Variants in HNRNPF observed in about 807,000 individuals in gnomAD.
HNRNPF encodes HnRNP F protein.
In HNRNPF, 2 loss-of-function variants were observed where a neutral mutation model predicts 26.0. The ratio of observed to expected loss-of-function variants is 0.08; its 90% CI spans 0.03 to 0.24. HNRNPF has a LOEUF of 0.24. Ranked by LOEUF, HNRNPF falls within the 10% of genes least tolerant of loss-of-function variation. HNRNPF has a pLI of 1.00. For missense variants in HNRNPF, 299 were observed against 539.2 expected (o/e 0.55, Z 4.41); for synonymous variants, 234 against 211.5 (o/e 1.11, Z -0.92).
chr10:43,396,800 G>A (rs926424774), intron 1 of HNRNPF: 1 of 151,644 alleles, frequency 6.6e-6, no homozygotes, highest in African/African-American at 2.4e-5. Context: ...GCTCGGGCGG[G>A]AGCTTCCGGG....
intron 3 of HNRNPF, among the ~76,000 whole-genome samples, chr10:43,391,041 C>T (rs1293468563): frequency 6.6e-6 from 1 of 152,128 alleles, no homozygotes; most frequent in Non-Finnish European, 1.5e-5. Flanking sequence ...ACAGTGGCTC[C>T]CACCTATAAT....
intron 1 of HNRNPF, among the ~76,000 whole-genome samples, chr10:43,398,355 T>G (rs2131982403): frequency 6.6e-6 from 1 of 150,714 alleles, no homozygotes; most frequent in Non-Finnish European, 1.5e-5. Flanking sequence ...TTTTTTTTTT[T>G]TTTTGAGAGA....
chr10:43,395,027 G>A (rs994757780), intron 2 of HNRNPF, among the ~76,000 whole-genome samples: 3 of 152,040 alleles, frequency 2.0e-5, no homozygotes, highest in African/African-American at 7.3e-5. Flanking sequence ...CAATATGTTG[G>A]CCAGGCTGGT....
chr10:43,399,324 C>G (rs890002036), intron 1 of HNRNPF, among the ~76,000 whole-genome samples: 5 of 152,134 alleles, frequency 3.3e-5, no homozygotes, highest in African/African-American at 1.2e-4. Context: ...CTGGGCTCAA[C>G]TGATCCACCT....
At position 43,387,080 on chromosome 10, in the gene HNRNPF, A is replaced by T. The variant is rs1838055435; in HGVS notation, c.805T>A (p.Ser269Thr). ...CCGTATCTGTGGTCATACATTCCGG[A>T]GAGACAGTAGCTGAGGTCTCTCCCG... ...LFGRDLSYCL[S>T]GMYDHRYGDS... Residue 269 changes from serine to threonine, a missense_variant, in exon 4 of 4, where the codon TCC (serine) becomes ACC (threonine). By Grantham distance (58) the Ser-to-Thr change is moderately conservative. Coordinates refer to ENST00000682386, the MANE Select transcript of HNRNPF (RefSeq NM_001098204.2). The surrounding 1 kb of genome is among the most constrained non-coding windows in gnomAD (Gnocchi z 6.0). 1 of 1,613,058 alleles carries T rather than the reference A, an allele frequency of 6.2e-7. No individual in the cohort carries two copies. Among genetic ancestry groups the T allele is most frequent in the Non-Finnish European group, 8.5e-7 (1 of 1,180,016 alleles).
intron 1 of HNRNPF, among the ~76,000 whole-genome samples, chr10:43,404,405 CA>C (rs527426782): frequency 2.2e-4 from 34 of 151,792 alleles, no homozygotes; most frequent in African/African-American, 8.2e-4. Context: ...ATTAAAATAT[CA>C]CTAATTTGAA....
intron 2 of HNRNPF, among the ~76,000 whole-genome samples, chr10:43,395,668 G>C (rs1269968357): frequency 6.6e-6 from 1 of 152,166 alleles, no homozygotes; most frequent in Non-Finnish European, 1.5e-5. Context: ...CTGGAATCAG[G>C]TTTTCAAAAG....
At chr10:43,400,502 CA>C (rs1200035073) in intron 1 of HNRNPF, among the ~76,000 whole-genome samples, 1 of 152,072 alleles carries the variant, frequency 6.6e-6, no homozygotes, top group Admixed American at 6.6e-5. Flanking sequence ...GATCATAGAC[CA>C]TATTTGTTAT....
chr10:43,387,792 G>C lies in HNRNPF; in HGVS notation c.93C>G (p.Leu31=), dbSNP rs202206913. 2 of 1,614,126 alleles carry C rather than the reference G, an allele frequency of 1.2e-6. No individual in the cohort carries two copies. Among genetic ancestry groups the C allele is most frequent in the African/African-American group, 2.7e-5 (2 of 75,020 alleles). The change falls in exon 4 of 4, where the codon CTC becomes CTG. Residue 31 remains leucine (L), a synonymous_variant. Coordinates refer to ENST00000682386, the MANE Select transcript of HNRNPF (RefSeq NM_001098204.2). This position sits in a 1 kb window ranked among gnomAD's most constrained non-coding sequence, Gnocchi z 6.0. ...SCSVEDVQNF[L]SDCTIHDGAA... ...CCCCATCATGAATCGTGCAGTCAGA[G>C]AGGAAGTTCTGCACGTCCTCAACAG...
chr10:43,389,600 A>T (rs1250891813), intron 3 of HNRNPF, among the ~76,000 whole-genome samples: 1 of 152,226 alleles, frequency 6.6e-6, no homozygotes, highest in Non-Finnish European at 1.5e-5. Context: ...TAAATCTTTC[A>T]AATTTACCTG....
At chr10:43,394,355 A>G (rs1488145988) in intron 3 of HNRNPF, among the ~76,000 whole-genome samples, 1 of 152,230 alleles carries the variant, frequency 6.6e-6, no homozygotes, top group Non-Finnish European at 1.5e-5. Flanking sequence ...TTCCTCTCTG[A>G]AGGCAAGGCG....
intron 3 of HNRNPF, among the ~76,000 whole-genome samples, chr10:43,393,242 T>A (rs566341856): frequency 6.6e-6 from 1 of 152,352 alleles, no homozygotes; most frequent in African/African-American, 2.4e-5. Flanking sequence ...TTATTTCTCC[T>A]ATTCTAATTC....
chr10:43,407,232 C>T (rs1416891744), intron 1 of HNRNPF, among the ~76,000 whole-genome samples: 3 of 151,296 alleles, frequency 2.0e-5, no homozygotes, highest in African/African-American at 7.3e-5. Flanking sequence ...GGGAAGCCGC[C>T]GCCGCCGCCC....
intron 1 of HNRNPF, among the ~76,000 whole-genome samples, chr10:43,397,913 T>C (rs954935116): frequency 2.0e-5 from 3 of 152,262 alleles, no homozygotes; most frequent in African/African-American, 7.2e-5. Context: ...AAAGTGGAAA[T>C]ATACATGAAA....
At chr10:43,401,106 G>C (rs181921141) in intron 1 of HNRNPF, among the ~76,000 whole-genome samples, 12 of 151,870 alleles carry the variant, frequency 7.9e-5, no homozygotes, top group Admixed American at 7.9e-4. Context: ...CTGAGAAGCT[G>C]CAGATGGAGC....
In HNRNPF at chr10:43,394,671, G is replaced by T. The variant is rs182676206; in HGVS notation, c.-94C>A. 1 of 152,182 alleles carries T rather than the reference G, an allele frequency of 6.6e-6. No individual in the cohort carries two copies. Among genetic ancestry groups the T allele is most frequent in the African/African-American group, 2.4e-5 (1 of 41,518 alleles). 9.4% of individuals were successfully genotyped at this position (152,182 alleles called of 1,614,324 possible). A position where few individuals can be genotyped will look rare whatever the true frequency, so the allele number is the denominator to read the frequency against. ...GATGCCTTCAGTGGGAGACACTTCT[G>T]GATGGTAATGAAATGTCCTAAAAAA... On this transcript the variant is annotated 5_prime_UTR_variant, in exon 3 of 4. Coordinates refer to ENST00000682386, the MANE Select transcript of HNRNPF (RefSeq NM_001098204.2).
chr10:43,394,985 G>A (rs914670600), intron 2 of HNRNPF, among the ~76,000 whole-genome samples: 3 of 152,018 alleles, frequency 2.0e-5, no homozygotes, highest in African/African-American at 4.8e-5. Context: ...CCCACCCAGC[G>A]AATTTTTGTA....
At chr10:43,392,690 T>A (rs1051784093) in intron 3 of HNRNPF, among the ~76,000 whole-genome samples, 1 of 152,222 alleles carries the variant, frequency 6.6e-6, no homozygotes, top group African/African-American at 2.4e-5. Context: ...GGTTTTCCAG[T>A]TAATTCCTTA....
Position 43,387,446 on chromosome 10 carries a change from G to A in HNRNPF, c.439C>T (p.Pro147Ser), listed in dbSNP as rs757152202. The change falls in exon 4 of 4, where the codon CCC becomes TCC. Residue 147 changes from proline to serine, a missense_variant. Physicochemically the swap from Pro to Ser is moderately conservative, Grantham distance 74 (BLOSUM62 -1). Transcript: ENST00000682386. The surrounding 1 kb of genome is among the most constrained non-coding windows in gnomAD (Gnocchi z 6.0). ...VPNGITLPVD[P>S]EGKITGEAFV... ...GCTTCCCCTGTAATCTTGCCTTCGG[G>A]GTCCACAGGCAATGTGATCCCGTTT... is the stretch of plus-strand genomic sequence containing the variant. 7 of 1,614,140 alleles carry A rather than the reference G, an allele frequency of 4.3e-6. No individual in the cohort carries two copies. The highest frequency in any genetic ancestry group is 1.1e-5 in the South Asian group (1 of 91,078).
Sources: gnomAD v4.1 joint callset for allele counts (sites outside exome capture counted in the v4.1 genomes callset) on GRCh38, gnomAD v4.1.1 for gene constraint, Gnocchi (gnomAD v3.1) non-coding constraint, MANE v1.5 for transcripts, NCBI Gene and HGNC (gene_info 2026-07-23, HGNC 2026-07-21) for gene names.